Variants in UBE3D observed in about 807,000 individuals in gnomAD.
UBE3D encodes ubiquitin protein ligase E3D.
Under a neutral mutation model 49.6 loss-of-function variants are expected in UBE3D, and 48 were observed. The observed-to-expected ratio is 0.97, with a 90% CI of 0.77 to 1.23. UBE3D has a LOEUF of 1.23. Among genes scored for constraint, UBE3D ranks in the 50% most tolerant of loss-of-function variants. UBE3D has a pLI of 0.00. For synonymous variants in UBE3D, 189 were observed against 174.2 expected (o/e 1.08, Z -0.67); for missense variants, 452 against 468.4 (o/e 0.96, Z 0.32).
chr6:82,943,763 C>T (rs989892791), intron 9 of UBE3D, among the ~76,000 whole-genome samples: 1 of 152,220 alleles, frequency 6.6e-6, no homozygotes, highest in African/African-American at 2.4e-5. Context: ...TGCCACCCCT[C>T]TCCCATTCCC....
At chr6:82,935,908 C>T (rs1329630100) in intron 9 of UBE3D, among the ~76,000 whole-genome samples, 1 of 150,202 alleles carries the variant, frequency 6.7e-6, no homozygotes, top group Admixed American at 6.6e-5. Flanking sequence ...AGGAATACTA[C>T]AGGAAGTGAG....
At chr6:82,966,851 T>C (rs766335210) in intron 8 of UBE3D, among the ~76,000 whole-genome samples, 6 of 152,306 alleles carry the variant, frequency 3.9e-5, no homozygotes, top group East Asian at 1.9e-4. Context: ...TATGTAACAG[T>C]GAGCTAGGAG....
intron 9 of UBE3D, among the ~76,000 whole-genome samples, chr6:82,919,011 T>C (rs1463704075): frequency 6.6e-6 from 1 of 151,952 alleles, no homozygotes; most frequent in East Asian, 1.9e-4. Flanking sequence ...GTGCAGAGAG[T>C]AGCAGGACTT....
intron 8 of UBE3D, among the ~76,000 whole-genome samples, chr6:82,988,526 ACT>A (rs1459741508): frequency 6.6e-6 from 1 of 152,174 alleles, no homozygotes; most frequent in East Asian, 1.9e-4. Context: ...TAAACAATTA[ACT>A]CTGAATACAG....
chr6:82,931,243 C>T (rs1435916223), intron 9 of UBE3D, among the ~76,000 whole-genome samples: 2 of 152,238 alleles, frequency 1.3e-5, no homozygotes, highest in Non-Finnish European at 1.5e-5. Flanking sequence ...GCCTGGAAAT[C>T]CAGGCAGAAG....
At chr6:82,887,586 A>G (rs1476756018), downstream of UBE3D, among the ~76,000 whole-genome samples, 4 of 149,926 alleles carry the variant, frequency 2.7e-5, no homozygotes, top group East Asian at 8.0e-4. Flanking sequence ...GTGCACGCCT[A>G]CAATCCCAGC....
intron 9 of UBE3D, among the ~76,000 whole-genome samples, chr6:82,939,144 T>A (rs766292654): frequency 3.9e-5 from 6 of 152,096 alleles, no homozygotes; most frequent in Non-Finnish European, 5.9e-5. Context: ...CCAGTTCTCC[T>A]TATCCCCATT....
chr6:83,056,606 C>CCCAACTCA (rs1271363803), intron 2 of UBE3D, among the ~76,000 whole-genome samples: 1 of 152,174 alleles, frequency 6.6e-6, no homozygotes, highest in Non-Finnish European at 1.5e-5. Flanking sequence ...ACTAACCCTG[C>CCCAACTCA]CCAACTCAAA....
intron 8 of UBE3D, among the ~76,000 whole-genome samples, chr6:83,001,790 G>A (rs1011459294): frequency 6.6e-6 from 1 of 152,132 alleles, no homozygotes; most frequent in Non-Finnish European, 1.5e-5. Flanking sequence ...CAAATAAAAG[G>A]AAGACCATTC....
chr6:82,977,309 C>G (rs546171054), intron 8 of UBE3D, among the ~76,000 whole-genome samples: 1 of 152,034 alleles, frequency 6.6e-6, no homozygotes, highest in South Asian at 2.1e-4. Flanking sequence ...CTATAGCATA[C>G]AAACCTATTA....
chr6:82,919,954 C>T (rs1773209289), intron 9 of UBE3D, among the ~76,000 whole-genome samples: 1 of 152,176 alleles, frequency 6.6e-6, no homozygotes, highest in Non-Finnish European at 1.5e-5. Flanking sequence ...TCATTGAAAA[C>T]ACTACTTGAG....
intron 9 of UBE3D, among the ~76,000 whole-genome samples, chr6:82,909,564 A>C (rs1403201936): frequency 1.3e-5 from 2 of 152,210 alleles, no homozygotes; most frequent in African/African-American, 4.8e-5. Context: ...GGTTTAAATT[A>C]GCTGACTTTT....
At chr6:83,022,661 T>C in intron 6 of UBE3D, 100 bp from the exon 7 acceptor site, 1 of 706,078 alleles carries the variant, frequency 1.4e-6, no homozygotes, top group Non-Finnish European at 2.2e-6. Context: ...AAGGCAGACA[T>C]ATCCACATGC....
chr6:82,909,222 C>T (rs1772323697), intron 9 of UBE3D, among the ~76,000 whole-genome samples: 1 of 152,136 alleles, frequency 6.6e-6, no homozygotes, highest in African/African-American at 2.4e-5. Flanking sequence ...CAAAAATATG[C>T]TGTGAACTAG....
intron 5 of UBE3D, among the ~76,000 whole-genome samples, chr6:83,034,630 AGGTT>A (rs1782114048): frequency 6.6e-6 from 1 of 152,054 alleles, no homozygotes; most frequent in Non-Finnish European, 1.5e-5. Context: ...ACAAGATCTG[AGGTT>A]TAAAAGTGTG....
intron 9 of UBE3D, among the ~76,000 whole-genome samples, chr6:82,919,514 T>C (rs2127733826): frequency 6.6e-6 from 1 of 151,890 alleles, no homozygotes; most frequent in Middle Eastern, 3.4e-3. Context: ...TGAGGTGGTG[T>C]GAACCCAGGA....
At chr6:82,951,399 T>C (rs1410106145) in intron 9 of UBE3D, among the ~76,000 whole-genome samples, 1 of 152,140 alleles carries the variant, frequency 6.6e-6, no homozygotes, top group Non-Finnish European at 1.5e-5. Context: ...GAGCAGCTGG[T>C]TGGAGCTGGA....
In UBE3D at chr6:82,918,333, C is replaced by T. The variant is rs377317005; in HGVS notation, c.1150-25291G>A. ...ATAAACCCTTTCATTTCCTGAATCTCATTGTCATATGAACCCTTCACCAGT... is the reference window on the plus strand; with the variant it reads ...ATAAACCCTTTCATTTCCTGAATCTTATTGTCATATGAACCCTTCACCAGT... On this transcript the variant is annotated intron_variant, in intron 9 of 9. Transcript: ENST00000369747. Among the ~76,000 whole-genome samples, 4 of 151,570 alleles carry T rather than the reference C, an allele frequency of 2.6e-5. No individual in the cohort carries two copies. In the East Asian group the frequency reaches 5.8e-4, roughly 22 times the overall value.
chr6:82,998,961 G>A (rs1779429661), intron 8 of UBE3D, among the ~76,000 whole-genome samples: 2 of 152,130 alleles, frequency 1.3e-5, no homozygotes, highest in South Asian at 4.1e-4. Flanking sequence ...TTGTGATCAT[G>A]AACCTCAAAT....
Sources: gnomAD v4.1 joint callset for allele counts (sites outside exome capture counted in the v4.1 genomes callset) on GRCh38, gnomAD v4.1.1 for gene constraint, MANE v1.5 for transcripts, NCBI Gene and HGNC (gene_info 2026-07-23, HGNC 2026-07-21) for gene names.